Variants in DPP10 observed in about 807,000 individuals in gnomAD.
DPP10 encodes dipeptidyl peptidase like 10.
In DPP10, 33 loss-of-function variants were observed where a neutral mutation model predicts 120.9. The observed-to-expected ratio is 0.27, with a 90% CI of 0.21 to 0.37. The LOEUF is 0.37. Among genes scored for constraint, DPP10 ranks in the 10% least tolerant of loss-of-function variants. The probability of loss-of-function intolerance (pLI) is 1.00; values close to 1 mark genes in which losing one functional copy is unlikely to be tolerated. For synonymous variants in DPP10, 337 were observed against 326.1 expected, an observed-to-expected ratio of 1.03 and a Z score of -0.36; for missense variants, 816 against 942.8, an observed-to-expected ratio of 0.87 and a Z score of 1.76.
At chr2:114,703,930 G>C (rs1400996603) in intron 1 of DPP10, among the ~76,000 whole-genome samples, 2 of 152,008 alleles carry the variant, frequency 1.3e-5, no homozygotes, top group African/African-American at 4.8e-5. Flanking sequence ...ACCCAGAAGT[G>C]GGTGATATGA....
chr2:115,260,476 C>G (rs1457775369), intron 1 of DPP10, among the ~76,000 whole-genome samples: 1 of 152,158 alleles, frequency 6.6e-6, no homozygotes, highest in Non-Finnish European at 1.5e-5. Context: ...CAAGATAAAT[C>G]ACTCTGCTGT....
At chr2:115,379,386 A>T (rs2066098215) in intron 3 of DPP10, among the ~76,000 whole-genome samples, 1 of 151,954 alleles carries the variant, frequency 6.6e-6, no homozygotes, top group African/African-American at 2.4e-5. Flanking sequence ...TTTCTGTGGG[A>T]TCGGTGGTGA....
intron 5 of DPP10, among the ~76,000 whole-genome samples, chr2:115,605,543 T>G (rs2083647998): frequency 6.6e-6 from 1 of 152,068 alleles, no homozygotes; most frequent in Admixed American, 6.6e-5. Context: ...TTGATCTTAA[T>G]TTCGCTTTTT....
chr2:115,823,823 T>A (rs891423270), intron 21 of DPP10, among the ~76,000 whole-genome samples: 1 of 152,188 alleles, frequency 6.6e-6, no homozygotes, highest in Non-Finnish European at 1.5e-5. Flanking sequence ...AAACAAGTCT[T>A]CCTTGTAAGA....
At chr2:114,705,838 G>A (rs1700652955) in intron 1 of DPP10, among the ~76,000 whole-genome samples, 1 of 152,134 alleles carries the variant, frequency 6.6e-6, no homozygotes, top group Admixed American at 6.6e-5. Context: ...TTGAAACTAT[G>A]CTTCAGGTGT....
chr2:114,564,999 C>G (rs1689087012), intron 1 of DPP10, among the ~76,000 whole-genome samples: 1 of 152,108 alleles, frequency 6.6e-6, no homozygotes, highest in Non-Finnish European at 1.5e-5. Flanking sequence ...CTCTTATTGC[C>G]TTCAGGGAAC....
chr2:115,079,988 G>A (rs1708135816), intron 1 of DPP10, among the ~76,000 whole-genome samples: 1 of 152,222 alleles, frequency 6.6e-6, no homozygotes, highest in Admixed American at 6.5e-5. Context: ...GGAAGGGTCA[G>A]AGGCTATGCT....
At chr2:114,511,858 C>T (rs755985663) in intron 1 of DPP10, among the ~76,000 whole-genome samples, 18 of 152,194 alleles carry the variant, frequency 1.2e-4, no homozygotes, top group Non-Finnish European at 2.5e-4. Context: ...ACACTTCCTC[C>T]AGGCATACAT....
At chr2:114,805,384 T>C (rs1684638717) in intron 1 of DPP10, among the ~76,000 whole-genome samples, 1 of 152,178 alleles carries the variant, frequency 6.6e-6, no homozygotes, top group East Asian at 1.9e-4. Flanking sequence ...AAGCCGCTCT[T>C]GTGCTGAAAG....
chr2:115,708,001 G>A lies in DPP10; in HGVS notation c.576+18080G>A, dbSNP rs1472919345. 3.3e-5 allele frequency among the ~76,000 whole-genome samples: 5 copies of A among 151,972 alleles called. No homozygotes were observed. The East Asian group carries it at 9.7e-4, about 29-fold the overall frequency. On this transcript the variant is annotated intron_variant, in intron 7 of 25. Transcript: ENST00000410059. The stretch of plus-strand genomic sequence containing the variant: ...AAGGTGGCAAATTGTTATATATATG[G>A]ATATAGATATAGATGCAGATATCTT...
At chr2:115,316,374 AT>A (rs961149299) in intron 2 of DPP10, among the ~76,000 whole-genome samples, 20 of 152,290 alleles carry the variant, frequency 1.3e-4, no homozygotes, top group African/African-American at 3.6e-4. Flanking sequence ...GGGCAAAAAA[AT>A]ATTTTAGAAA....
At chr2:115,245,014 G>A (rs988245625) in intron 1 of DPP10, among the ~76,000 whole-genome samples, 15 of 151,758 alleles carry the variant, frequency 9.9e-5, no homozygotes, top group African/African-American at 3.4e-4. Context: ...TTCCCCCCGA[G>A]TCTCCAAAGT....
At chr2:115,077,635 A>G (rs1448324257) in intron 1 of DPP10, among the ~76,000 whole-genome samples, 3 of 152,224 alleles carry the variant, frequency 2.0e-5, no homozygotes, top group African/African-American at 4.8e-5. Flanking sequence ...ATAAAGTCAC[A>G]TAACAACAGA....
intron 3 of DPP10, among the ~76,000 whole-genome samples, chr2:115,407,093 G>T (rs557275763): frequency 5.0e-4 from 76 of 152,202 alleles, no homozygotes; most frequent in Non-Finnish European, 9.1e-4. Context: ...CGAATCCCAG[G>T]TCACCACCCA....
intron 5 of DPP10, among the ~76,000 whole-genome samples, chr2:115,561,844 G>A (rs758766973): frequency 6.6e-5 from 10 of 152,008 alleles, no homozygotes; most frequent in African/African-American, 1.5e-4. Context: ...TCGCTTTGCC[G>A]CTTCTCAACT....
intron 1 of DPP10, among the ~76,000 whole-genome samples, chr2:114,505,084 A>C (rs1002917792): frequency 5.3e-5 from 8 of 150,488 alleles, no homozygotes; most frequent in African/African-American, 1.9e-4. Flanking sequence ...AAAGAAGGAA[A>C]CTGAGGTAAC....
intron 1 of DPP10, among the ~76,000 whole-genome samples, chr2:114,961,033 CTTTTTTTTTTTTTTTTTTTTTT>C (rs772146022): frequency 1.2e-4 from 6 of 52,004 alleles, no homozygotes; most frequent in Non-Finnish European, 1.7e-4. Context: ...CTCTATACGC[CTTTTTTTTTTTTTTTTTTTTTT>C]TTTTTTTTTT....
At chr2:115,254,231 T>A (rs1328321234) in intron 1 of DPP10, among the ~76,000 whole-genome samples, 1 of 152,148 alleles carries the variant, frequency 6.6e-6, no homozygotes, top group Non-Finnish European at 1.5e-5. Flanking sequence ...GAGGCAAACA[T>A]GTTCTTCACA....
At chr2:115,207,404 T>A (rs962728205) in intron 1 of DPP10, among the ~76,000 whole-genome samples, 3 of 115,546 alleles carry the variant, frequency 2.6e-5, no homozygotes, top group African/African-American at 1.1e-4. Flanking sequence ...TTTTAAAGAG[T>A]GCTTACTGCA....
Sources: gnomAD v4.1 joint callset for allele counts (sites outside exome capture counted in the v4.1 genomes callset) on GRCh38, gnomAD v4.1.1 for gene constraint, MANE v1.5 for transcripts, NCBI Gene and HGNC (gene_info 2026-07-23, HGNC 2026-07-21) for gene names.